Variants in ATG7 observed in about 807,000 individuals in gnomAD.
ATG7 encodes autophagy related 7, also known as ubiquitin-like modifier-activating enzyme ATG7.
A neutral mutation model predicts 82.4 loss-of-function variants in ATG7; 70 were observed. The ratio of observed to expected loss-of-function variants is 0.85; its 90% confidence interval spans 0.70 to 1.04. ATG7 has a LOEUF of 1.04. ATG7 is among the 50% of genes least tolerant of loss of function. The probability of loss-of-function intolerance (pLI) is 0.00; values close to 1 mark genes in which losing one functional copy is unlikely to be tolerated. For missense variants in ATG7, 792 were observed against 864.3 expected, an observed-to-expected ratio of 0.92 and a Z score of 1.05; for synonymous variants, 287 against 313.0, an observed-to-expected ratio of 0.92 and a Z score of 0.88.
At chr3:11,559,585 C>G, downstream of ATG7, 5 of 1,337,976 alleles carry the variant, frequency 3.7e-6, no homozygotes, top group Non-Finnish European at 4.9e-6. Flanking sequence ...CCTCCCACTT[C>G]AATACTGGAG....
At chr3:11,336,017 T>C (rs964076616) in intron 11 of ATG7, among the ~76,000 whole-genome samples, 1 of 150,316 alleles carries the variant, frequency 6.7e-6, no homozygotes, top group Admixed American at 6.6e-5. Flanking sequence ...ACTACAGGCA[T>C]GAGCCACTGT....
At chr3:11,371,434 G>A (rs1440045125) in intron 18 of ATG7, among the ~76,000 whole-genome samples, 1 of 151,002 alleles carries the variant, frequency 6.6e-6, no homozygotes, top group African/African-American at 2.4e-5. Context: ...GGGGCCCTGG[G>A]AGGCCGTTGA....
chr3:11,423,543 C>T (rs191867505), intron 19 of ATG7, among the ~76,000 whole-genome samples: 1 of 152,170 alleles, frequency 6.6e-6, no homozygotes. Context: ...TTTCAGTGGA[C>T]ATTTTTTCCT....
At position 11,322,466 on chromosome 3, in the gene ATG7, C is replaced by T. The variant is rs1042657757; in HGVS notation, c.678+6973C>T. 7.2e-5 allele frequency among the ~76,000 whole-genome samples: 11 copies of T among 152,150 alleles called. No homozygotes were observed. In the East Asian group the frequency reaches 1.9e-3, roughly 27 times the overall value. On this transcript the variant is annotated intron_variant, in intron 9 of 20. Transcript: ENST00000693202. ...CTATATATCTCTGTTTTTAAAATGT[C>T]GCAAAGGTTTTCAGCTATTCTTTTA...
At chr3:11,565,096 G>A in the ATG7 span, 189 of 1,302,376 alleles carry the variant, frequency 1.5e-4, no homozygotes, top group East Asian at 4.5e-3. This position sits in a 1 kb window ranked among gnomAD's most constrained non-coding sequence, Gnocchi z 4.1. Context: ...CAGGCACTCC[G>A]TGTTGCTTAT....
At chr3:11,558,879 CAG>C (rs1390677044), downstream of ATG7, 4 of 1,590,958 alleles carry the variant, frequency 2.5e-6, no homozygotes, top group Non-Finnish European at 3.4e-6. Flanking sequence ...TGCAGACAGA[CAG>C]GCACGGTTGC....
intron 20 of ATG7, among the ~76,000 whole-genome samples, chr3:11,539,726 A>C (rs2596816): frequency 0.78 from 118,329 of 152,214 alleles, 46,278 homozygotes; most frequent in East Asian, 0.92. Context: ...TTTAAAAAAT[A>C]AAATCTATTG....
intron 18 of ATG7, among the ~76,000 whole-genome samples, chr3:11,378,803 G>A (rs1403285109): frequency 6.6e-6 from 1 of 151,536 alleles, no homozygotes; most frequent in Non-Finnish European, 1.5e-5. Flanking sequence ...TCAGGATGGA[G>A]TTATCCAAAA....
intron 20 of ATG7, among the ~76,000 whole-genome samples, chr3:11,485,267 T>C (rs1231916821): frequency 1.3e-5 from 2 of 152,266 alleles, no homozygotes; most frequent in Non-Finnish European, 2.9e-5. Flanking sequence ...ATTGTGGTTT[T>C]GATTTGCATT....
At chr3:11,573,628 T>C in the ATG7 span, among the ~76,000 whole-genome samples, 1 of 152,266 alleles carries the variant, frequency 6.6e-6, no homozygotes, top group Non-Finnish European at 1.5e-5. Flanking sequence ...CCTATGGATT[T>C]CTGCCATTCT....
chr3:11,503,770 A>AG (rs1299082246), intron 20 of ATG7, among the ~76,000 whole-genome samples: 7 of 151,122 alleles, frequency 4.6e-5, no homozygotes, highest in Admixed American at 4.6e-4. Context: ...AAAAAAAAAA[A>AG]AAAAAAAATC....
chr3:11,406,410 C>G (rs2080341416), intron 19 of ATG7, among the ~76,000 whole-genome samples: 1 of 152,032 alleles, frequency 6.6e-6, no homozygotes, highest in African/African-American at 2.4e-5. Flanking sequence ...TTAAGTGATT[C>G]TCCTGCCTCA....
intron 16 of ATG7, 38 bp from the exon 17 acceptor site, chr3:11,362,775 A>G (rs778945041): frequency 5.8e-6 from 9 of 1,557,182 alleles, no homozygotes; most frequent in Non-Finnish European, 8.0e-6. Context: ...TGAATGGAGT[A>G]GAACGTTCTG....
At chr3:11,376,922 G>C (rs1173726402) in intron 18 of ATG7, among the ~76,000 whole-genome samples, 2 of 152,110 alleles carry the variant, frequency 1.3e-5, no homozygotes, top group East Asian at 3.9e-4. Flanking sequence ...TGTATTTTTA[G>C]TAGAGACGGG....
At chr3:11,373,876 A>G (rs1003199351) in intron 18 of ATG7, among the ~76,000 whole-genome samples, 7 of 152,176 alleles carry the variant, frequency 4.6e-5, no homozygotes, top group African/African-American at 1.7e-4. Context: ...GGCAAGTCAG[A>G]GTTTTTCTTG....
chr3:11,412,207 G>T (rs1407595639), intron 19 of ATG7, among the ~76,000 whole-genome samples: 1 of 151,608 alleles, frequency 6.6e-6, no homozygotes, highest in Non-Finnish European at 1.5e-5. Context: ...AAAAACTAGA[G>T]AGGGGTAAGG....
intron 19 of ATG7, among the ~76,000 whole-genome samples, chr3:11,385,022 T>G (rs2078210100): frequency 6.6e-6 from 1 of 151,754 alleles, no homozygotes; most frequent in African/African-American, 2.4e-5. Context: ...GTGTTTTTGT[T>G]TGTTTGTTTG....
chr3:11,352,061 C>T (rs978294731), intron 14 of ATG7, among the ~76,000 whole-genome samples: 2 of 149,966 alleles, frequency 1.3e-5, no homozygotes, highest in Admixed American at 6.7e-5. Flanking sequence ...TCCAAGTGTG[C>T]TCATTGTTCA....
intron 20 of ATG7, among the ~76,000 whole-genome samples, chr3:11,442,838 T>C (rs2152971660): frequency 6.7e-6 from 1 of 149,702 alleles, no homozygotes; most frequent in South Asian, 2.1e-4. Flanking sequence ...GGAAGATTGC[T>C]AGAGCCCAGG....
Sources: gnomAD v4.1 joint callset for allele counts (sites outside exome capture counted in the v4.1 genomes callset) on GRCh38, gnomAD v4.1.1 for gene constraint, Gnocchi (gnomAD v3.1) non-coding constraint, MANE v1.5 for transcripts, NCBI Gene and HGNC (gene_info 2026-07-23, HGNC 2026-07-21) for gene names.